The following DLEU7 variants were observed in gnomAD, a reference collection of about 807,000 sequenced individuals.
DLEU7 encodes the protein leukemia-associated protein 7.
A neutral mutation model predicts 16.0 loss-of-function variants in DLEU7; 17 were observed. The observed-to-expected ratio is 1.06, with a 90% CI of 0.73 to 1.59. DLEU7 has a LOEUF of 1.59. Among genes scored for constraint, DLEU7 ranks in the 40% most tolerant of loss-of-function variants. DLEU7 has a pLI of 0.00. For synonymous variants in DLEU7, 113 were observed against 139.8 expected (o/e 0.81, Z 1.35); for missense variants, 308 against 314.9 (o/e 0.98, Z 0.17).
At chr13:50,813,552 T>C (rs924487405) in intron 1 of DLEU7, among the ~76,000 whole-genome samples, 2 of 152,124 alleles carry the variant, frequency 1.3e-5, no homozygotes, top group African/African-American at 4.8e-5. Context: ...AGCATTATTA[T>C]CTACTTTAAA....
Position 50,726,990 on chromosome 13 carries a change from G to A in DLEU7, c.460-13750C>T, listed in dbSNP as rs1374985360. On this transcript the variant is annotated intron_variant, in intron 1 of 1. Transcript: ENST00000400393. The surrounding 1 kb of genome is among the most constrained non-coding windows in gnomAD (Gnocchi z 4.0). ...ATCCTCAATTTTATATGTTTTTCTG[G>A]GCAATGTTTTAAGCACTGCACATAC... Among the ~76,000 whole-genome samples the A allele has an allele frequency of 1.3e-5, 2 of 152,078 alleles. No homozygotes were observed. Among genetic ancestry groups the A allele is most frequent in the Non-Finnish European group, 2.9e-5 (2 of 68,008 alleles).
At chr13:50,784,029 G>C (rs148705816) in intron 1 of DLEU7, among the ~76,000 whole-genome samples, 2 of 152,202 alleles carry the variant, frequency 1.3e-5, no homozygotes, top group African/African-American at 4.8e-5. Flanking sequence ...TCAGTTCAGC[G>C]ACCCGCCCCC....
chr13:50,822,359 TC>T (rs1876932573), downstream of DLEU7, among the ~76,000 whole-genome samples: 1 of 152,168 alleles, frequency 6.6e-6, no homozygotes, highest in Non-Finnish European at 1.5e-5. Context: ...ATCACTATAA[TC>T]TTTTTTTTCT....
chr13:50,720,967 A>C (rs1039220595), intron 1 of DLEU7, among the ~76,000 whole-genome samples: 2 of 152,198 alleles, frequency 1.3e-5, no homozygotes, highest in Non-Finnish European at 2.9e-5. Context: ...TGAAGGATGC[A>C]AAGTATTGTT....
At chr13:50,721,317 C>G (rs2706244) in intron 1 of DLEU7, among the ~76,000 whole-genome samples, 12,235 of 152,222 alleles carry the variant, frequency 0.08, 555 homozygotes, top group East Asian at 0.15. Flanking sequence ...GGTTTTGGGA[C>G]TGGGACTGGT....
At chr13:50,814,673 A>G (rs1244245260) in intron 1 of DLEU7, among the ~76,000 whole-genome samples, 1 of 29,902 alleles carries the variant, frequency 3.3e-5, no homozygotes, top group African/African-American at 1.3e-4. Flanking sequence ...TACACTACAT[A>G]GAACTACACA....
downstream of DLEU7, among the ~76,000 whole-genome samples, chr13:50,818,154 C>T (rs959566852): frequency 7.9e-5 from 12 of 152,062 alleles, no homozygotes; most frequent in Admixed American, 2.6e-4. Context: ...CACAACCTGT[C>T]TTTATGCACG....
At chr13:50,718,770 G>A (rs1873508721) in intron 1 of DLEU7, among the ~76,000 whole-genome samples, 1 of 152,158 alleles carries the variant, frequency 6.6e-6, no homozygotes, top group African/African-American at 2.4e-5. Context: ...ATTCTACATA[G>A]AAGCAAAGAA....
downstream of DLEU7, among the ~76,000 whole-genome samples, chr13:50,820,081 C>T (rs1279032410): frequency 1.3e-5 from 2 of 152,006 alleles, no homozygotes; most frequent in African/African-American, 2.4e-5. Flanking sequence ...AATAGTCAGC[C>T]GCATCAAAAG....
At chr13:50,768,974 A>C (rs191658763) in intron 1 of DLEU7, among the ~76,000 whole-genome samples, 1 of 152,298 alleles carries the variant, frequency 6.6e-6, no homozygotes, top group East Asian at 1.9e-4. Context: ...AATGATCGCC[A>C]TTCTAACTGG....
At chr13:50,762,905 G>A (rs1236115354) in intron 1 of DLEU7, among the ~76,000 whole-genome samples, 2 of 151,606 alleles carry the variant, frequency 1.3e-5, no homozygotes, top group African/African-American at 2.4e-5. Context: ...GGGAGAGAAA[G>A]AATCACAGGT....
At chr13:50,728,206 G>T (rs1873818842) in intron 1 of DLEU7, among the ~76,000 whole-genome samples, 1 of 152,126 alleles carries the variant, frequency 6.6e-6, no homozygotes, top group Admixed American at 6.5e-5. Flanking sequence ...TTGGGCTTTG[G>T]TCGGGGGTGG....
In DLEU7 at chr13:50,786,376, C is replaced by T. The variant is rs117604066; in HGVS notation, c.459+56812G>A. Among the ~76,000 whole-genome samples, 400 of 152,154 alleles carry T rather than the reference C, an allele frequency of 2.6e-3. 3 individuals are homozygous for T. The highest frequency in any genetic ancestry group is 4.5e-3 in the Non-Finnish European group (303 of 67,996). ...GGTTGTTTTGTTTTGTTTTTTAGTTCCTGAACACATAGATAAGAGCTAATT... is the reference window on the plus strand; with the variant it reads ...GGTTGTTTTGTTTTGTTTTTTAGTTTCTGAACACATAGATAAGAGCTAATT... On this transcript the variant is annotated intron_variant, in intron 1 of 1. Coordinates refer to the DLEU7 transcript ENST00000400393.
At chr13:50,711,772 C>CCGGGGGAGGGG, downstream of DLEU7, 12 of 73,014 alleles carry the variant, frequency 1.6e-4, 1 homozygote, top group African/African-American at 4.7e-4. Flanking sequence ...GACCCAGTGG[C>CCGGGGGAGGGG]GGGGGCGGGG....
intron 1 of DLEU7, among the ~76,000 whole-genome samples, chr13:50,737,717 C>G (rs891321143): frequency 6.6e-6 from 1 of 152,088 alleles, no homozygotes. Flanking sequence ...TTCCTTGGGC[C>G]TCTAATTCCC....
intron 1 of DLEU7, among the ~76,000 whole-genome samples, chr13:50,747,792 G>A (rs972212510): frequency 3.3e-5 from 5 of 152,146 alleles, no homozygotes; most frequent in East Asian, 3.9e-4. Flanking sequence ...GTATGTGGGC[G>A]GGGAGGCTAA....
intron 1 of DLEU7, among the ~76,000 whole-genome samples, chr13:50,793,069 GT>G (rs1256525598): frequency 6.6e-6 from 1 of 151,696 alleles, no homozygotes; most frequent in South Asian, 2.1e-4. Context: ...TATTGTTCCT[GT>G]TTTTTGTGTC....
chr13:50,738,968 C>T (rs2492350), intron 1 of DLEU7, among the ~76,000 whole-genome samples: 2,126 of 30,184 alleles, frequency 0.07, 42 homozygotes, highest in African/African-American at 0.4. Context: ...ATAATACACA[C>T]ACACACACAC....
chr13:50,744,323 A>C (rs1377636495), intron 1 of DLEU7, among the ~76,000 whole-genome samples: 1 of 152,030 alleles, frequency 6.6e-6, no homozygotes, highest in Admixed American at 6.5e-5. Flanking sequence ...TACTATCTCT[A>C]TGTTATCTAA....
Sources: allele counts gnomAD v4.1 joint callset (sites outside exome capture counted in the v4.1 genomes callset), GRCh38; gene constraint gnomAD v4.1.1; non-coding constraint Gnocchi (gnomAD v3.1); transcripts MANE v1.5; gene names NCBI Gene and HGNC (gene_info 2026-07-23, HGNC 2026-07-21).